Variants in FRK observed in about 807,000 individuals in gnomAD.
FRK encodes tyrosine-protein kinase FRK.
A neutral mutation model predicts 56.4 loss-of-function variants in FRK; 51 were observed. The ratio of observed to expected loss-of-function variants is 0.90; its 90% CI spans 0.72 to 1.14. FRK has a LOEUF of 1.14. Among genes scored for constraint, FRK ranks in the 50% most tolerant of loss-of-function variants. The probability of loss-of-function intolerance (pLI) is 0.00; values close to 1 mark genes in which losing one functional copy is unlikely to be tolerated. For missense variants in FRK, 570 were observed against 601.4 expected (o/e 0.95, Z 0.55); for synonymous variants, 245 against 217.9 (o/e 1.12, Z -1.10).
At position 116,046,481 on chromosome 6, in the gene FRK, G is replaced by T. The variant is rs543830336; in HGVS notation, c.344+13487C>A. Among the ~76,000 whole-genome samples the T allele has an allele frequency of 6.4e-4, 98 of 152,286 alleles. 1 individual carries two copies. Among genetic ancestry groups the T allele is most frequent in the Non-Finnish European group, 8.1e-4 (55 of 68,026 alleles). ...AAAGGATGAGTTCATATCCTTTGCA[G>T]GGACAAGGATGAAGCTGGAAACCAT... On this transcript the variant is annotated intron_variant, in intron 1 of 7. Transcript: ENST00000606080.
At chr6:116,024,873 G>A (rs1020341326) in intron 1 of FRK, among the ~76,000 whole-genome samples, 1 of 152,140 alleles carries the variant, frequency 6.6e-6, no homozygotes, top group Non-Finnish European at 1.5e-5. Flanking sequence ...CTAGTTTACA[G>A]TCCCACCAAC....
chr6:116,027,347 A>C (rs1776131142), intron 1 of FRK, among the ~76,000 whole-genome samples: 1 of 152,192 alleles, frequency 6.6e-6, no homozygotes, highest in South Asian at 2.1e-4. Context: ...TATAATAGTG[A>C]ATATAAGTGG....
intron 4 of FRK, among the ~76,000 whole-genome samples, chr6:115,958,774 G>GC (rs1375517118): frequency 1.5e-5 from 1 of 66,854 alleles, no homozygotes; most frequent in Non-Finnish European, 2.7e-5. Flanking sequence ...AAAGAGGGGG[G>GC]GGAAGGAGAG....
intron 5 of FRK, among the ~76,000 whole-genome samples, chr6:115,944,790 T>C (rs1772358103): frequency 6.6e-6 from 1 of 152,032 alleles, no homozygotes; most frequent in African/African-American, 2.4e-5. Flanking sequence ...ACTTGTGTCA[T>C]GGGGGGGTTA....
chr6:116,027,034 G>A (rs1776119199), intron 1 of FRK, among the ~76,000 whole-genome samples: 1 of 152,174 alleles, frequency 6.6e-6, no homozygotes, highest in Non-Finnish European at 1.5e-5. Context: ...AGAGTTGCCT[G>A]TGGGCCATCC....
the FRK span, among the ~76,000 whole-genome samples, chr6:116,091,316 G>T: frequency 6.6e-6 from 1 of 152,196 alleles, no homozygotes; most frequent in African/African-American, 2.4e-5. Context: ...CCAATCAGCA[G>T]GACATGGGTG....
chr6:116,086,347 C>T, the FRK span, among the ~76,000 whole-genome samples: 1 of 152,168 alleles, frequency 6.6e-6, no homozygotes, highest in African/African-American at 2.4e-5. Context: ...CTATGAATCT[C>T]ATGATAAAAT....
chr6:115,992,801 G>A (rs1392620755), intron 2 of FRK, among the ~76,000 whole-genome samples: 3 of 151,762 alleles, frequency 2.0e-5, no homozygotes, highest in African/African-American at 7.2e-5. Flanking sequence ...GCAAGGCTAT[G>A]AAGGGCTTAA....
In FRK at chr6:116,034,976, C is replaced by T. The variant is rs567659217; in HGVS notation, c.344+24992G>A. 8.6e-5 allele frequency among the ~76,000 whole-genome samples: 13 copies of T among 151,976 alleles called. No individual in the cohort carries two copies. The South Asian group carries it at 1.2e-3, about 15-fold the overall frequency. ...TTAATATAAGGATGAGATAAGATTG[C>T]CATATGTTGAGAATTGTTGAAGTTG... is the stretch of plus-strand genomic sequence containing the variant. On this transcript the variant is annotated intron_variant, in intron 1 of 7. Coordinates refer to ENST00000606080, the MANE Select transcript of FRK (RefSeq NM_002031.3).
chr6:116,022,608 A>G (rs1775916590), intron 1 of FRK, among the ~76,000 whole-genome samples: 1 of 152,194 alleles, frequency 6.6e-6, no homozygotes, highest in South Asian at 2.1e-4. Flanking sequence ...ACATCTATTC[A>G]TGATTTAAAA....
intron 1 of FRK, among the ~76,000 whole-genome samples, chr6:116,033,126 A>C (rs1475159043): frequency 6.6e-6 from 1 of 152,090 alleles, no homozygotes; most frequent in African/African-American, 2.4e-5. Context: ...TCCAGACTCT[A>C]TGATGGATCA....
At chr6:116,092,987 G>A in the FRK span, among the ~76,000 whole-genome samples, 1 of 152,092 alleles carries the variant, frequency 6.6e-6, no homozygotes, top group African/African-American at 2.4e-5. Flanking sequence ...GGCCACCTGA[G>A]GGAGGTATAA....
At position 115,956,432 on chromosome 6, in the gene FRK, G is replaced by C. The variant is rs1475384801; in HGVS notation, c.958+20C>G. On this transcript the variant is annotated intron_variant, in intron 5 of 7. Transcript: ENST00000606080. ...AAATTAAATTCCTCTTTTTTTCCTT[G>C]TATTAAGTCTTTAGCTTACTTTGGA... 1 of 1,473,748 alleles carries C rather than the reference G, an allele frequency of 6.8e-7. No homozygotes were observed. 91.3% of individuals were successfully genotyped at this position (1,473,748 alleles called of 1,614,324 possible). A position where few individuals can be genotyped will look rare whatever the true frequency, so the allele number is the denominator to read the frequency against.
At chr6:116,000,269 G>C (rs200541917) in intron 2 of FRK, among the ~76,000 whole-genome samples, 1 of 112,978 alleles carries the variant, frequency 8.9e-6, no homozygotes, top group Non-Finnish European at 1.7e-5. Context: ...TTGAGACGGA[G>C]TCTCGCTCTG....
In FRK at chr6:115,967,708, T is replaced by A; in HGVS notation, c.642A>T (p.Pro214=). The A allele has an allele frequency of 6.2e-7, 1 of 1,605,976 alleles. No individual in the cohort carries two copies. Among genetic ancestry groups the A allele is most frequent in the Non-Finnish European group, 8.5e-7 (1 of 1,175,374 alleles). ...TTTTATACGACAAATCAAATGGAGC[T>A]GGGACCTGGATCTGTTTCATAGAAT... The part of the protein sequence containing the change: ...LGKPCLKIQV[P]APFDLSYKTV... Residue 214 remains proline (P), a synonymous_variant, in exon 4 of 8, where the codon CCA becomes CCT. Coordinates refer to ENST00000606080, the MANE Select transcript of FRK (RefSeq NM_002031.3).
At chr6:116,026,595 C>G (rs772872301) in intron 1 of FRK, among the ~76,000 whole-genome samples, 20 of 151,348 alleles carry the variant, frequency 1.3e-4, no homozygotes, top group Non-Finnish European at 2.8e-4. Flanking sequence ...TGTAACACAC[C>G]CACCTGCCCA....
intron 2 of FRK, among the ~76,000 whole-genome samples, chr6:115,979,053 C>CA (rs111820717): frequency 0.079 from 9,176 of 116,122 alleles, 459 homozygotes; most frequent in Admixed American, 0.2. Flanking sequence ...GACTCTGTCT[C>CA]AAAAAAAAAA....
chr6:116,100,538 C>T, the FRK span, among the ~76,000 whole-genome samples: 1 of 151,932 alleles, frequency 6.6e-6, no homozygotes, highest in Non-Finnish European at 1.5e-5. Context: ...ATGGAGTGTC[C>T]CGGTTAATTT....
At chr6:115,945,930 G>T (rs1257521506) in intron 5 of FRK, among the ~76,000 whole-genome samples, 1 of 151,960 alleles carries the variant, frequency 6.6e-6, no homozygotes, top group Non-Finnish European at 1.5e-5. Flanking sequence ...TTATTTTGTG[G>T]TGACTGACTC....
Sources: gnomAD v4.1 joint callset for allele counts (sites outside exome capture counted in the v4.1 genomes callset) on GRCh38, gnomAD v4.1.1 for gene constraint, MANE v1.5 for transcripts, NCBI Gene and HGNC (gene_info 2026-07-23, HGNC 2026-07-21) for gene names.